Variants in CLCN7 observed in about 807,000 individuals in gnomAD.
CLCN7 encodes the protein H(+)/Cl(-) exchange transporter 7.
CLCN7 carries 60 observed loss-of-function variants against 102.1 expected under a neutral mutation model. The observed-to-expected ratio is 0.59, with a 90% CI of 0.48 to 0.73. The LOEUF (loss-of-function observed/expected upper bound fraction) is 0.73. Among genes scored for constraint, CLCN7 ranks in the 30% least tolerant of loss-of-function variants. The pLI is 0.00. For missense variants in CLCN7, 962 were observed against 1,125.7 expected (o/e 0.85, Z 2.08); for synonymous variants, 560 against 490.5 (o/e 1.14, Z -1.87).
Position 1,474,908 on chromosome 16 carries a change from G to A in CLCN7, c.67C>T (p.Leu23=). ...RDRDDEEAAP[L]LRRTARPGGG... ...CCGGGCCGCGCCGTCCTCCGCAGCA[G>A]CGGCGCCGCCTCCTCGTCGTCCCGG... Residue 23 remains leucine, a synonymous_variant, in exon 1 of 25, where the codon CTG becomes TTG. Transcript: ENST00000382745. 1 of 1,466,184 alleles carries A rather than the reference G, an allele frequency of 6.8e-7. No homozygotes were observed. Among genetic ancestry groups the A allele is most frequent in the Non-Finnish European group, 9.0e-7 (1 of 1,112,556 alleles). The allele number at this position is 1,466,184 out of a possible 1,614,324, so 90.8% of individuals were successfully genotyped here. A position where few individuals can be genotyped will look rare whatever the true frequency, so the allele number is the denominator to read the frequency against.
intron 16 of CLCN7, 147 bp downstream of exon 16, chr16:1,451,476 T>C: frequency 1.5e-6 from 1 of 671,350 alleles, no homozygotes; most frequent in South Asian, 1.7e-5. Flanking sequence ...AGTGCTGGGA[T>C]TACAGGAGTG....
chr16:1,455,067 G>A (rs1165356391), intron 12 of CLCN7, 67 bp downstream of exon 12: 8 of 937,090 alleles, frequency 8.5e-6, no homozygotes, highest in South Asian at 1.3e-5. Flanking sequence ...TCTCAACCTG[G>A]GCCTTAAGCA....
rs1194369505 is a variant in CLCN7 at position 1,460,596 on chromosome 16, C to G, written c.485-69G>C. ...ACCCAGCCCAGACCTCAGCCCTGCC[C>G]CACAGACCAGCCTGGCAGATGCCAC... On this transcript the variant is annotated intron_variant, in intron 5 of 24. Transcript: ENST00000382745. The G allele has an allele frequency of 2.2e-6, 3 of 1,383,652 alleles. No homozygotes were observed. The African/African-American group carries it at 4.2e-5, about 20-fold the overall frequency. The allele number at this position is 1,383,652 out of a possible 1,614,324, so 85.7% of individuals were successfully genotyped here.
chr16:1,448,416 A>T lies in CLCN7; in HGVS notation c.1952T>A (p.Leu651Gln). 1 of 1,612,624 alleles carries T rather than the reference A, an allele frequency of 6.2e-7. No individual in the cohort carries two copies. Reference protein sequence around the residue: ...REKVGVIVDVLSDTASNHNGF... With the variant: ...REKVGVIVDVQSDTASNHNGF... ...GTTGTGATTGGACGCCGTGTCGCTC[A>T]GCACGTCCACAATGACGCCGACCTT... The change falls in exon 21 of 25, where the codon CTG becomes CAG. Residue 651 changes from leucine (L) to glutamine (Q), a missense_variant. By Grantham distance (113) the Leu-to-Gln change is moderately radical. Transcript: ENST00000382745.
At chr16:1,467,476 G>A (rs1036034682) in intron 1 of CLCN7, among the ~76,000 whole-genome samples, 1 of 152,152 alleles carries the variant, frequency 6.6e-6, no homozygotes, top group African/African-American at 2.4e-5. Context: ...CTGGCCAGCT[G>A]CCCACTCCCT....
intron 5 of CLCN7, 103 bp downstream of exon 5, chr16:1,460,713 C>T: frequency 6.4e-7 from 1 of 1,568,348 alleles, no homozygotes; most frequent in Non-Finnish European, 8.7e-7. Context: ...GGCCGGGCCG[C>T]CTCCACCTGC....
Position 1,446,623 on chromosome 16 carries a change from G to A in CLCN7, c.*8C>T. ...AGCGCCAGTGCCCATTATGGGCAGGGCTGGGCCTCACGTCTGGGCCAGCGA... is the reference window on the plus strand; with the variant it reads ...AGCGCCAGTGCCCATTATGGGCAGGACTGGGCCTCACGTCTGGGCCAGCGA... On this transcript the variant is annotated 3_prime_UTR_variant, in exon 25 of 25. Coordinates refer to ENST00000382745, the MANE Select transcript of CLCN7 (RefSeq NM_001287.6). 3.2e-6 allele frequency: 5 copies of A among 1,558,536 alleles called. No individual in the cohort carries two copies. The highest frequency in any genetic ancestry group is 4.3e-6 in the Non-Finnish European group (5 of 1,150,956).
At chr16:1,456,528 G>A (rs761765855) in intron 9 of CLCN7, among the ~76,000 whole-genome samples, 17 of 152,158 alleles carry the variant, frequency 1.1e-4, no homozygotes, top group Non-Finnish European at 1.5e-4. Context: ...TTTGTCCTGC[G>A]GGACGCTGCC....
rs1315479151 is a variant in CLCN7 at position 1,446,203 on chromosome 16, TGTGGAGG to T, written c.*421_*427del. 260 of 625,556 alleles carry T rather than the reference TGTGGAGG, an allele frequency of 4.2e-4. 1 individual carries two copies. In the Admixed American group the frequency reaches 6.8e-3, roughly 16 times the overall value. 38.8% of individuals were successfully genotyped at this position (625,556 alleles called of 1,614,324 possible). A position where few individuals can be genotyped will look rare whatever the true frequency, so the allele number is the denominator to read the frequency against. On this transcript the variant is annotated 3_prime_UTR_variant, in exon 25 of 25. Coordinates refer to ENST00000382745, the MANE Select transcript of CLCN7 (RefSeq NM_001287.6). ...TCCCAAGTCTCGAAGACTCCACTGGTGTGGAGGCAGAGGGGCCCTTCCAGGGCAGGGC... is the reference window on the plus strand; with the variant it reads ...TCCCAAGTCTCGAAGACTCCACTGGTCAGAGGGGCCCTTCCAGGGCAGGGC...
At position 1,465,158 on chromosome 16, in the gene CLCN7, G is replaced by A. The variant is rs569948653; in HGVS notation, c.213+109C>T. 23 of 1,001,900 alleles carry A rather than the reference G, an allele frequency of 2.3e-5. 1 individual carries two copies. In the Admixed American group the frequency reaches 2.7e-4, roughly 12 times the overall value. The allele number at this position is 1,001,900 out of a possible 1,614,324, so 62.1% of individuals were successfully genotyped here. ...CCCAAGGAAATCTTCCCTGAACCCC[G>A]GCCCTGGGGCCCCACTATCTCCCTG... On this transcript the variant is annotated intron_variant, in intron 2 of 24. Coordinates refer to ENST00000382745, the MANE Select transcript of CLCN7 (RefSeq NM_001287.6).
Position 1,451,941 on chromosome 16 carries a change from A to G in CLCN7, c.1354-225T>C, listed in dbSNP as rs564654734. 4 of 552,404 alleles carry G rather than the reference A, an allele frequency of 7.2e-6. No homozygotes were observed. The South Asian group carries it at 7.3e-5, about 10-fold the overall frequency. The allele number at this position is 552,404 out of a possible 1,614,324, so 34.2% of individuals were successfully genotyped here. A position where few individuals can be genotyped will look rare whatever the true frequency, so the allele number is the denominator to read the frequency against. On this transcript the variant is annotated intron_variant, in intron 15 of 24. Transcript: ENST00000382745. ...AGGGAAAGGAGGACACACACGGCCT[A>G]GGCCCAGCAGGGGGCCGTGTCTAGC...
Position 1,474,976 on chromosome 16 carries a change from G to A in CLCN7, c.-2C>T, listed in dbSNP as rs570759244. ...CACCTTCTTAGAGACGTTGGCCATGGCCCGCCGCGGAGCGACACCGGCCGG... is the reference window on the plus strand; with the variant it reads ...CACCTTCTTAGAGACGTTGGCCATGACCCGCCGCGGAGCGACACCGGCCGG... On this transcript the variant is annotated 5_prime_UTR_variant, in exon 1 of 25. Transcript: ENST00000382745. 4.3e-5 allele frequency: 64 copies of A among 1,479,384 alleles called. 3 individuals are homozygous for A. In the South Asian group the frequency reaches 7.8e-4, roughly 18 times the overall value. 91.6% of individuals were successfully genotyped at this position (1,479,384 alleles called of 1,614,324 possible). A position where few individuals can be genotyped will look rare whatever the true frequency, so the allele number is the denominator to read the frequency against.
At position 1,465,282 on chromosome 16, in the gene CLCN7, A is replaced by G; in HGVS notation, c.198T>C (p.Asp66=). ...VGHMSSVELD[D]ELLDPDMDPP... ...CCCAACTCACCGGGTCCAAAAGTTCATCATCCAGCTCCACGCTGCTCATAT... is the reference window on the plus strand; with the variant it reads ...CCCAACTCACCGGGTCCAAAAGTTCGTCATCCAGCTCCACGCTGCTCATAT... Residue 66 remains aspartate (D), a synonymous_variant, in exon 2 of 25, where the codon GAT becomes GAC. Coordinates refer to ENST00000382745, the MANE Select transcript of CLCN7 (RefSeq NM_001287.6). The G allele has an allele frequency of 6.2e-7, 1 of 1,613,852 alleles. No homozygotes were observed. The highest frequency in any genetic ancestry group is 1.3e-5 in the African/African-American group (1 of 75,058).
intron 11 of CLCN7, 193 bp from the exon 12 acceptor site, chr16:1,455,443 T>C (rs1022713058): frequency 7.6e-6 from 5 of 655,188 alleles, no homozygotes; most frequent in Admixed American, 2.2e-5. Flanking sequence ...CAGCCCTCTC[T>C]GGACTTGCCA....
chr16:1,461,534 G>C lies in CLCN7; in HGVS notation c.286-64C>G, dbSNP rs993226392. 5.6e-6 allele frequency: 9 copies of C among 1,608,026 alleles called. No homozygotes were observed. In the African/African-American group the frequency reaches 8.0e-5, roughly 14 times the overall value. On this transcript the variant is annotated intron_variant, in intron 3 of 24. Coordinates refer to ENST00000382745, the MANE Select transcript of CLCN7 (RefSeq NM_001287.6). ...ACCCACGCTCTGGGTGCGGGCACAG[G>C]GGACCGGGAGTGGGCTGGCAGGGGG... is the stretch of plus-strand genomic sequence containing the variant.
chr16:1,454,520 T>C, intron 12 of CLCN7, 55 bp from the exon 13 acceptor site: 4 of 1,529,366 alleles, frequency 2.6e-6, no homozygotes, highest in Middle Eastern at 1.7e-4. Flanking sequence ...CCACAGCTCC[T>C]TTCTGCTGAA....
rs2038928930 is a variant in CLCN7 at position 1,461,086 on chromosome 16, G to T, written c.352-138C>A. The T allele has an allele frequency of 2.5e-6, 3 of 1,204,088 alleles. No individual in the cohort carries two copies. In the South Asian group the frequency reaches 4.4e-5, roughly 18 times the overall value. The allele number at this position is 1,204,088 out of a possible 1,614,324, so 74.6% of individuals were successfully genotyped here. On this transcript the variant is annotated intron_variant, in intron 4 of 24. Coordinates refer to ENST00000382745, the MANE Select transcript of CLCN7 (RefSeq NM_001287.6). ...GCACGGTGCGCTGAGTCCCACAAAG[G>T]ACAGTTTCTGGCCAACATCTGAGGC...
chr16:1,458,622 G>T (rs890548742), intron 7 of CLCN7, among the ~76,000 whole-genome samples: 2 of 152,382 alleles, frequency 1.3e-5, no homozygotes, highest in Non-Finnish European at 2.9e-5. Flanking sequence ...CGGGGCTGCG[G>T]CAAGTCTCAG....
chr16:1,474,830 T>G lies in CLCN7; in HGVS notation c.141+4A>C. 1 of 1,345,838 alleles carries G rather than the reference T, an allele frequency of 7.4e-7. No individual in the cohort carries two copies. Among genetic ancestry groups the G allele is most frequent in the Non-Finnish European group, 9.5e-7 (1 of 1,048,238 alleles). 83.4% of individuals were successfully genotyped at this position (1,345,838 alleles called of 1,614,324 possible). ...TTCCCCGCCTGCGCCCTGCCCGGCC[T>G]CACCTGGCGCGCAGCCCCAGGCCCA... On this transcript the variant is annotated splice_donor_region_variant and intron_variant, in intron 1 of 24. Coordinates refer to ENST00000382745, the MANE Select transcript of CLCN7 (RefSeq NM_001287.6).
Sources: gnomAD v4.1 joint callset for allele counts (sites outside exome capture counted in the v4.1 genomes callset) on GRCh38, gnomAD v4.1.1 for gene constraint, MANE v1.5 for transcripts, NCBI Gene and HGNC (gene_info 2026-07-23, HGNC 2026-07-21) for gene names.